CSMD1: variants seen among roughly 807,000 people sequenced by gnomAD.
The protein encoded by CSMD1 is CUB and Sushi multiple domains 1.
Under a neutral mutation model 417.5 loss-of-function variants are expected in CSMD1, and 213 were observed. The observed-to-expected ratio is 0.51, with a 90% CI of 0.46 to 0.57. CSMD1 has a LOEUF of 0.57. CSMD1 is among the 20% of genes least tolerant of loss of function. CSMD1 has a pLI of 0.00. For missense variants in CSMD1, 6,923 were observed against 4,529.7 expected (o/e 1.53, Z -15.17); for synonymous variants, 2,862 against 1,736.8 (o/e 1.65, Z -16.11).
intron 1 of CSMD1, among the ~76,000 whole-genome samples, chr8:4,655,351 G>T (rs10108351): frequency 1.3e-5 from 2 of 151,774 alleles, no homozygotes; most frequent in South Asian, 2.1e-4. Context: ...CCTGCTGAAG[G>T]TTTGAAAGTG....
chr8:3,354,889 G>GTATA (rs1808659431), intron 21 of CSMD1, among the ~76,000 whole-genome samples: 1 of 140,926 alleles, frequency 7.1e-6, no homozygotes, highest in African/African-American at 2.8e-5. Flanking sequence ...CTATAGATAT[G>GTATA]TCTATCTATA....
chr8:3,283,658 G>C (rs567994608), intron 26 of CSMD1, among the ~76,000 whole-genome samples: 1 of 152,260 alleles, frequency 6.6e-6, no homozygotes, highest in Non-Finnish European at 1.5e-5. Flanking sequence ...GCCTTCCTTG[G>C]AAGCAGGTCA....
intron 3 of CSMD1, among the ~76,000 whole-genome samples, chr8:4,275,732 A>G (rs1208135016): frequency 6.6e-6 from 1 of 152,220 alleles, no homozygotes; most frequent in East Asian, 1.9e-4. Flanking sequence ...AATGAGTATA[A>G]CTTTACACAC....
intron 25 of CSMD1, among the ~76,000 whole-genome samples, chr8:3,289,787 T>G (rs369304827): frequency 6.8e-6 from 1 of 147,434 alleles, no homozygotes. Flanking sequence ...GCCTGTTCAC[T>G]CTGATGGTAG....
In CSMD1 at chr8:3,659,681, C is replaced by T. The variant is rs75688405; in HGVS notation, c.1010-42884G>A. Among the ~76,000 whole-genome samples, 84 of 152,220 alleles carry T rather than the reference C, an allele frequency of 5.5e-4. 1 individual carries two copies. In the East Asian group the frequency reaches 0.015, roughly 27 times the overall value. ...AAGAAAATACTGCTGTTTCTGTTAA[C>T]AATATGGGCTTTCCAAACAAGCTCA... On this transcript the variant is annotated intron_variant, in intron 7 of 69. Transcript: ENST00000635120.
Position 3,096,574 on chromosome 8 carries a change from A to G in CSMD1, c.7138+275T>C, listed in dbSNP as rs555693643. On this transcript the variant is annotated intron_variant, in intron 47 of 69. Coordinates refer to ENST00000635120, the MANE Select transcript of CSMD1 (RefSeq NM_033225.6). ...TCTCCCCAGCCATCTGGAACTGTAA[A>G]TCCATTAAATCTCTTTTTCTTCCTA... is the stretch of plus-strand genomic sequence containing the variant. 3.3e-5 allele frequency among the ~76,000 whole-genome samples: 5 copies of G among 152,128 alleles called. No homozygotes were observed. The South Asian group carries it at 1.0e-3, about 32-fold the overall frequency.
At chr8:3,400,444 T>A (rs1811968334) in intron 15 of CSMD1, among the ~76,000 whole-genome samples, 1 of 152,248 alleles carries the variant, frequency 6.6e-6, no homozygotes, top group South Asian at 2.1e-4. Flanking sequence ...AAAGTTTATA[T>A]CATTTTAGCC....
At chr8:2,944,332 AGT>A (rs1000358449) in intron 68 of CSMD1, among the ~76,000 whole-genome samples, 1 of 152,096 alleles carries the variant, frequency 6.6e-6, no homozygotes. Flanking sequence ...GACAACATGA[AGT>A]GTGTGTGTAT....
intron 5 of CSMD1, among the ~76,000 whole-genome samples, chr8:3,778,523 G>A (rs940246434): frequency 3.9e-5 from 6 of 152,152 alleles, no homozygotes; most frequent in South Asian, 2.1e-4. Flanking sequence ...CTACAAGAAC[G>A]CTGCCCGTGT....
intron 3 of CSMD1, among the ~76,000 whole-genome samples, chr8:4,222,473 CTCAG>C (rs1801097837): frequency 6.6e-6 from 1 of 152,062 alleles, no homozygotes; most frequent in African/African-American, 2.4e-5. Flanking sequence ...GTCATATGTT[CTCAG>C]TAAGTCAGTC....
At chr8:4,891,951 G>C (rs1260186262) in intron 1 of CSMD1, among the ~76,000 whole-genome samples, 1 of 152,018 alleles carries the variant, frequency 6.6e-6, no homozygotes, top group Non-Finnish European at 1.5e-5. Context: ...AAAGAAGATG[G>C]CCTTTACAGA....
intron 5 of CSMD1, among the ~76,000 whole-genome samples, chr8:3,874,215 C>A (rs1397561555): frequency 1.3e-5 from 2 of 152,142 alleles, no homozygotes; most frequent in African/African-American, 4.8e-5. Flanking sequence ...CCTTCCTAAC[C>A]TTCCTGCAAT....
intron 2 of CSMD1, among the ~76,000 whole-genome samples, chr8:4,630,648 A>C (rs1037496924): frequency 7.9e-5 from 12 of 152,168 alleles, no homozygotes; most frequent in African/African-American, 2.7e-4. Flanking sequence ...ATAGTGACAA[A>C]ATCACCTAAT....
intron 3 of CSMD1, among the ~76,000 whole-genome samples, chr8:4,195,274 C>T (rs1000834169): frequency 3.3e-4 from 50 of 152,276 alleles, no homozygotes; most frequent in African/African-American, 1.2e-3. Context: ...CTTGCTCTTT[C>T]ACCCAGGCAG....
chr8:3,562,411 T>TGCACAAACACACATGCACACACAC (rs1271271062), intron 10 of CSMD1, among the ~76,000 whole-genome samples: 19 of 139,078 alleles, frequency 1.4e-4, no homozygotes, highest in Non-Finnish European at 2.6e-4. Context: ...TACACACACA[T>TGCACAAACACACATGCACACACAC]GCACAAACAC....
chr8:3,207,024 G>A (rs551914809), intron 30 of CSMD1, among the ~76,000 whole-genome samples: 14 of 151,924 alleles, frequency 9.2e-5, no homozygotes, highest in South Asian at 8.3e-4. Context: ...TGGCCTGACT[G>A]CACTTCCTAT....
At chr8:3,642,930 C>A (rs113030267) in intron 7 of CSMD1, among the ~76,000 whole-genome samples, 3,788 of 151,426 alleles carry the variant, frequency 0.025, 65 homozygotes, top group Middle Eastern at 0.071. Context: ...GAAGATAAAA[C>A]CACTAATAGT....
chr8:4,773,273 A>G (rs919290205), intron 1 of CSMD1, among the ~76,000 whole-genome samples: 1 of 147,632 alleles, frequency 6.8e-6, no homozygotes, highest in Non-Finnish European at 1.5e-5. Context: ...GATTAGGGAT[A>G]CTCAATCTAC....
intron 3 of CSMD1, among the ~76,000 whole-genome samples, chr8:4,145,491 G>A (rs1377945451): frequency 2.0e-5 from 3 of 151,044 alleles, no homozygotes; most frequent in Non-Finnish European, 4.4e-5. Context: ...TAGACGGCAT[G>A]TGAGCCCTGT....
Sources: gnomAD v4.1 joint callset for allele counts (sites outside exome capture counted in the v4.1 genomes callset) on GRCh38, gnomAD v4.1.1 for gene constraint, MANE v1.5 for transcripts, NCBI Gene and HGNC (gene_info 2026-07-23, HGNC 2026-07-21) for gene names.